HECW2: variants seen among roughly 807,000 people sequenced by gnomAD.
HECW2 encodes the protein E3 ubiquitin-protein ligase HECW2.
HECW2 carries 61 observed loss-of-function variants against 175.2 expected under a neutral mutation model. That is an observed-to-expected ratio of 0.35 (90% confidence interval 0.28 to 0.43). The LOEUF is 0.43. Among genes scored for constraint, HECW2 ranks in the 20% least tolerant of loss-of-function variants. The pLI is 1.00. For missense variants in HECW2, 1,524 were observed against 2,000.5 expected (o/e 0.76, Z 4.54); for synonymous variants, 671 against 731.0 (o/e 0.92, Z 1.32).
At chr2:196,320,549 C>A in intron 7 of HECW2, 110 bp from the exon 8 acceptor site, 1 of 617,712 alleles carries the variant, frequency 1.6e-6, no homozygotes, top group Non-Finnish European at 3.0e-6. Flanking sequence ...AACTTTCAGA[C>A]TCACAAGAAC....
intron 26 of HECW2, among the ~76,000 whole-genome samples, chr2:196,219,137 T>A (rs1687578630): frequency 6.6e-6 from 1 of 152,252 alleles, no homozygotes; most frequent in South Asian, 2.1e-4. Context: ...GCTAAGTGAT[T>A]AATTCAGTGA....
At chr2:196,415,590 G>A (rs12478251) in intron 2 of HECW2, among the ~76,000 whole-genome samples, 144,105 of 152,124 alleles carry the variant, frequency 0.95, 68,366 homozygotes, top group East Asian at 1. Context: ...ATGTGCACGC[G>A]CTGAATGCGG....
intron 2 of HECW2, among the ~76,000 whole-genome samples, chr2:196,391,723 A>G (rs1694515674): frequency 6.6e-6 from 1 of 152,190 alleles, no homozygotes; most frequent in African/African-American, 2.4e-5. Context: ...TGAGTGACTT[A>G]AAACAACAGA....
intron 2 of HECW2, among the ~76,000 whole-genome samples, chr2:196,391,191 G>C (rs6710173): frequency 0.59 from 88,925 of 151,964 alleles, 29,325 homozygotes; most frequent in East Asian, 0.84. Context: ...CTTCTACCAG[G>C]TGACCCCTCA....
intron 1 of HECW2, among the ~76,000 whole-genome samples, chr2:196,514,841 G>A (rs1224719869): frequency 1.3e-5 from 2 of 152,178 alleles, no homozygotes; most frequent in Non-Finnish European, 2.9e-5. Flanking sequence ...CCCTCCAGTT[G>A]TCCGCACACC....
chr2:196,477,466 A>G (rs1175963695), intron 1 of HECW2, among the ~76,000 whole-genome samples: 1 of 152,236 alleles, frequency 6.6e-6, no homozygotes, highest in Non-Finnish European at 1.5e-5. Flanking sequence ...GTGTTTCAGA[A>G]GGAAAAGTCT....
chr2:196,299,034 T>C (rs1353430270), intron 13 of HECW2, among the ~76,000 whole-genome samples: 1 of 152,210 alleles, frequency 6.6e-6, no homozygotes, highest in African/African-American at 2.4e-5. Flanking sequence ...CATTAATTCA[T>C]ACCTTGAGAC....
chr2:196,395,198 C>T (rs1400305558), intron 2 of HECW2, among the ~76,000 whole-genome samples: 4 of 152,032 alleles, frequency 2.6e-5, no homozygotes, highest in African/African-American at 9.7e-5. Flanking sequence ...ATAGAGTACA[C>T]AAAAATTAAT....
chr2:196,428,694 TA>T (rs1695619186), intron 2 of HECW2, among the ~76,000 whole-genome samples: 1 of 152,216 alleles, frequency 6.6e-6, no homozygotes, highest in African/African-American at 2.4e-5. Flanking sequence ...TTGCTTCTTT[TA>T]AAAACAACCT....
intron 14 of HECW2, among the ~76,000 whole-genome samples, chr2:196,280,774 C>A (rs1293726444): frequency 6.6e-6 from 1 of 152,130 alleles, no homozygotes; most frequent in Non-Finnish European, 1.5e-5. Flanking sequence ...ATACAATTGT[C>A]CACTATTTCT....
chr2:196,268,408 A>G (rs1357624675), intron 17 of HECW2, among the ~76,000 whole-genome samples: 1 of 138,660 alleles, frequency 7.2e-6, no homozygotes, highest in Admixed American at 7.0e-5. Flanking sequence ...TCTAGATGCC[A>G]CTAAAAAAAA....
At chr2:196,561,434 C>T (rs920020211) in intron 1 of HECW2, among the ~76,000 whole-genome samples, 2 of 152,204 alleles carry the variant, frequency 1.3e-5, no homozygotes, top group Non-Finnish European at 2.9e-5. Context: ...TGTGATCCCG[C>T]CCTGACCTTC....
At position 196,374,835 on chromosome 2, in the gene HECW2, A is replaced by T; in HGVS notation, c.293-31071T>A. Among the ~76,000 whole-genome samples, 2 of 133,314 alleles carry T rather than the reference A, an allele frequency of 1.5e-5. 1 individual carries two copies. The highest frequency in any genetic ancestry group is 1.5e-4 in the Admixed American group (2 of 13,636). 87.5% of individuals were successfully genotyped at this position (133,314 alleles called of 152,430 possible). On this transcript the variant is annotated intron_variant, in intron 2 of 28. Transcript: ENST00000644978. The stretch of plus-strand genomic sequence containing the variant: ...GGGATACATCCAGTAAGGGAAGAGT[A>T]AAAAAAAAAAAAAAGAAGCAAAGAC...
chr2:196,515,197 C>T (rs1027841974), intron 1 of HECW2, among the ~76,000 whole-genome samples: 1 of 152,224 alleles, frequency 6.6e-6, no homozygotes, highest in Admixed American at 6.5e-5. Flanking sequence ...AGCTGCCCAC[C>T]CTGCCACAGA....
At position 196,266,617 on chromosome 2, in the gene HECW2, G is replaced by A. The variant is rs537740965; in HGVS notation, c.3335+4576C>T. Among the ~76,000 whole-genome samples, 31 of 152,274 alleles carry A rather than the reference G, an allele frequency of 2.0e-4. No individual in the cohort carries two copies. The South Asian group carries it at 6.4e-3, about 32-fold the overall frequency. On this transcript the variant is annotated intron_variant, in intron 17 of 28. Transcript: ENST00000644978. Reference sequence around the variant, plus strand: ...GCTATTTTCACCAAGTACTTCAGTTGTTAACCAAGACTAACATTTCCAGTC... The same window carrying A: ...GCTATTTTCACCAAGTACTTCAGTTATTAACCAAGACTAACATTTCCAGTC...
rs186900785 is a variant in HECW2, at chr2:196,501,398, T to C, written c.-35-67940A>G. 1.2e-4 allele frequency among the ~76,000 whole-genome samples: 19 copies of C among 152,272 alleles called. No individual in the cohort carries two copies. The East Asian group carries it at 2.3e-3, about 19-fold the overall frequency. On this transcript the variant is annotated intron_variant, in intron 1 of 28. Coordinates refer to ENST00000644978, the MANE Select transcript of HECW2 (RefSeq NM_001348768.2). ...GCCCAGCTGATTTTTGTATTTTTAG[T>C]AGAGACAGGCGTGGGAGTCTCTATA...
Position 196,233,815 on chromosome 2 carries a change from TG to T in HECW2, c.3765-5562del, listed in dbSNP as rs1303341374. On this transcript the variant is annotated intron_variant, in intron 21 of 28. Coordinates refer to ENST00000644978, the MANE Select transcript of HECW2 (RefSeq NM_001348768.2). ...GCTTCACAGATTTCTGAGAAATTAA[TG>T]ACCAAGCTCAGGGCCTCAAACAGCT... Among the ~76,000 whole-genome samples the T allele has an allele frequency of 2.6e-5, 4 of 152,318 alleles. No individual in the cohort carries two copies. In the East Asian group the frequency reaches 7.7e-4, roughly 29 times the overall value.
intron 21 of HECW2, among the ~76,000 whole-genome samples, chr2:196,230,939 T>C (rs1007106899): frequency 6.6e-6 from 1 of 151,808 alleles, no homozygotes; most frequent in Non-Finnish European, 1.5e-5. Context: ...CCGTCTCTAC[T>C]AAAAATACAA....
At chr2:196,500,370 T>A (rs924420355) in intron 1 of HECW2, among the ~76,000 whole-genome samples, 1 of 152,144 alleles carries the variant, frequency 6.6e-6, no homozygotes, top group African/African-American at 2.4e-5. Flanking sequence ...CATACTTACA[T>A]ACATACATGC....
Sources: allele counts gnomAD v4.1 joint callset (sites outside exome capture counted in the v4.1 genomes callset), GRCh38; gene constraint gnomAD v4.1.1; transcripts MANE v1.5; gene names NCBI Gene and HGNC (gene_info 2026-07-23, HGNC 2026-07-21).